The following PSIP1 variants were observed in gnomAD, a reference collection of about 807,000 sequenced individuals.
The protein encoded by PSIP1 is PC4 and SRSF1 interacting protein 1, also known as PC4 and SFRS1-interacting protein.
A neutral mutation model predicts 74.7 loss-of-function variants in PSIP1; 19 were observed. The observed-to-expected ratio is 0.25, with a 90% CI of 0.18 to 0.37. The LOEUF (loss-of-function observed/expected upper bound fraction) is 0.37. Among genes scored for constraint, PSIP1 ranks in the 10% least tolerant of loss-of-function variants. The pLI is 1.00. For synonymous variants in PSIP1, 222 were observed against 195.3 expected, an observed-to-expected ratio of 1.14 and a Z score of -1.14; for missense variants, 601 against 614.3, an observed-to-expected ratio of 0.98 and a Z score of 0.23.
In PSIP1 at chr9:15,465,338, T is replaced by C. The variant is rs1039126754; in HGVS notation, c.*182A>G. On this transcript the variant is annotated 3_prime_UTR_variant, in exon 16 of 16. Transcript: ENST00000380733. ...ATTTACTGTATAATGTAGCTGTTAA[T>C]ACTGCACAAGTACACTTAGCGATAA... 1 of 562,274 alleles carries C rather than the reference T, an allele frequency of 1.8e-6. No individual in the cohort carries two copies. The highest frequency in any genetic ancestry group is 3.1e-5 in the East Asian group (1 of 32,588). The allele number at this position is 562,274 out of a possible 1,614,324, so 34.8% of individuals were successfully genotyped here. A position where few individuals can be genotyped will look rare whatever the true frequency, so the allele number is the denominator to read the frequency against.
chr9:15,465,461 T>C lies in PSIP1; in HGVS notation c.*59A>G, dbSNP rs1445920725. ...AAAATTTAAAACTTTCAGCAGTCTATTTCAAATGAAAACCATTACAAACTT... is the reference window on the plus strand; with the variant it reads ...AAAATTTAAAACTTTCAGCAGTCTACTTCAAATGAAAACCATTACAAACTT... On this transcript the variant is annotated 3_prime_UTR_variant, in exon 16 of 16. Transcript: ENST00000380733. 7 of 1,412,436 alleles carry C rather than the reference T, an allele frequency of 5.0e-6. No homozygotes were observed. The highest frequency in any genetic ancestry group is 5.9e-6 in the Non-Finnish European group (6 of 1,022,518). The allele number at this position is 1,412,436 out of a possible 1,614,324, so 87.5% of individuals were successfully genotyped here.
At chr9:15,469,449 T>A (rs974073939) in intron 11 of PSIP1, 113 bp from the exon 12 acceptor site, 64 of 624,552 alleles carry the variant, frequency 1.0e-4, no homozygotes, top group South Asian at 7.8e-4. Context: ...TTCTTAGTAA[T>A]CTTTACTAAG....
At chr9:15,471,002 G>A in intron 10 of PSIP1, 2 of 1,364,506 alleles carry the variant, frequency 1.5e-6, no homozygotes, top group Non-Finnish European at 1.9e-6. Flanking sequence ...TACCTTACAG[G>A]AAATTTGTTA....
chr9:15,496,280 AG>A (rs2037071088), intron 3 of PSIP1, among the ~76,000 whole-genome samples: 1 of 152,236 alleles, frequency 6.6e-6, no homozygotes, highest in South Asian at 2.1e-4. Flanking sequence ...TTGTGCCTAC[AG>A]GAACTATGTA....
chr9:15,465,592 G>A lies in PSIP1; in HGVS notation c.1533-12C>T. On this transcript the variant is annotated splice_polypyrimidine_tract_variant and intron_variant, in intron 15 of 15. Coordinates refer to ENST00000380733, the MANE Select transcript of PSIP1 (RefSeq NM_033222.5). ...CTTCACTGGATGGCCTGAAGAAAAG[G>A]GGGAAAGGTACAACTGGAATTAGGA... 1 of 1,561,732 alleles carries A rather than the reference G, an allele frequency of 6.4e-7. No homozygotes were observed. Among genetic ancestry groups the A allele is most frequent in the Non-Finnish European group, 8.8e-7 (1 of 1,139,950 alleles).
At position 15,466,757 on chromosome 9, in the gene PSIP1, G is replaced by A. The variant is rs752789885; in HGVS notation, c.1523C>T (p.Thr508Met). ...AAAACCTATTCCTCACTTTTTCTTC[G>A]TGCTGGCTTCATGGTTGTCTTTGCT... ...EDSKDNHEAS[T>M]KKKPSSEERE... Residue 508 changes from threonine (T) to methionine (M), a missense_variant, in exon 15 of 16, where the codon ACG becomes ATG. Around this residue, in one of 2 missense-constraint regions of PSIP1, gnomAD observed 538 missense variants for 507.6 expected, o/e 1.06. Transcript: ENST00000380733. The A allele has an allele frequency of 1.6e-5, 26 of 1,606,662 alleles. No homozygotes were observed. Among genetic ancestry groups the A allele is most frequent in the East Asian group, 9.0e-5 (4 of 44,678 alleles).
At chr9:15,466,662 T>TATA (rs2035645878) in intron 15 of PSIP1, 86 bp downstream of exon 15, 1 of 1,024,722 alleles carries the variant, frequency 9.8e-7, no homozygotes, top group Non-Finnish European at 1.4e-6. Flanking sequence ...AACTGCTTAT[T>TATA]ATAGTAAGAT....
rs1479511297 is a variant in PSIP1 at position 15,474,053 on chromosome 9, T to G, written c.814A>C (p.Thr272Pro). The G allele has an allele frequency of 6.2e-7, 1 of 1,613,734 alleles. No individual in the cohort carries two copies. The highest frequency in any genetic ancestry group is 8.5e-7 in the Non-Finnish European group (1 of 1,179,894). Residue 272 changes from threonine to proline, a missense_variant, in exon 9 of 16, where the codon ACC (threonine) becomes CCC (proline). Around this residue, in one of 2 missense-constraint regions of PSIP1, gnomAD observed 538 missense variants for 507.6 expected, o/e 1.06. Coordinates refer to ENST00000380733, the MANE Select transcript of PSIP1 (RefSeq NM_033222.5). ...KNLAKTGVTS[T>P]SDSEEEGDDQ... ...TCTCCTTCTTCTTCAGAATCGGAGG[T>G]TGAAGTAACCCCTGTTTTAGCTAAA...
intron 3 of PSIP1, among the ~76,000 whole-genome samples, chr9:15,497,635 A>G (rs892141310): frequency 1.3e-5 from 2 of 152,054 alleles, no homozygotes; most frequent in African/African-American, 4.8e-5. Context: ...GATTCCATTT[A>G]TATGAAGTGC....
chr9:15,503,232 T>C (rs1000917890), intron 3 of PSIP1, among the ~76,000 whole-genome samples: 3 of 151,520 alleles, frequency 2.0e-5, no homozygotes, highest in Non-Finnish European at 4.4e-5. Context: ...ATGGGTGTGG[T>C]GGCGGGTGCC....
chr9:15,510,102 C>T lies in PSIP1; in HGVS notation c.72+15G>A, dbSNP rs746284222. The T allele has an allele frequency of 3.1e-6, 5 of 1,600,232 alleles. No individual in the cohort carries two copies. The highest frequency in any genetic ancestry group is 4.3e-6 in the Non-Finnish European group (5 of 1,173,212). ...AGGGTAGCACTGCTAAGCGCGAGGG[C>T]TACAAATCACTTACTCGAGCTGGCC... On this transcript the variant is annotated intron_variant, in intron 2 of 15. Coordinates refer to ENST00000380733, the MANE Select transcript of PSIP1 (RefSeq NM_033222.5).
chr9:15,489,621 A>G (rs1387655281), intron 4 of PSIP1, among the ~76,000 whole-genome samples: 1 of 151,234 alleles, frequency 6.6e-6, no homozygotes, highest in Non-Finnish European at 1.5e-5. Flanking sequence ...AAAAAAAAAA[A>G]AAAAAAAGAA....
chr9:15,473,525 CA>C (rs1291363053), intron 9 of PSIP1, among the ~76,000 whole-genome samples: 1 of 152,134 alleles, frequency 6.6e-6, no homozygotes, highest in Non-Finnish European at 1.5e-5. Context: ...CAAGTCTATT[CA>C]AAAAGGTAAA....
chr9:15,480,293 C>T (rs973823771), intron 6 of PSIP1, among the ~76,000 whole-genome samples: 2 of 152,172 alleles, frequency 1.3e-5, no homozygotes, highest in African/African-American at 4.8e-5. Context: ...GCAGTTGGTA[C>T]TGATCATAAC....
chr9:15,493,613 G>C (rs899647369), intron 3 of PSIP1, among the ~76,000 whole-genome samples: 8 of 152,190 alleles, frequency 5.3e-5, no homozygotes, highest in Non-Finnish European at 8.8e-5. Flanking sequence ...ATAAAGAAAA[G>C]AGGTTTAATT....
intron 3 of PSIP1, among the ~76,000 whole-genome samples, chr9:15,499,103 A>T (rs1258920673): frequency 6.6e-6 from 1 of 152,236 alleles, no homozygotes; most frequent in East Asian, 1.9e-4. Flanking sequence ...GAAAATTGAA[A>T]TTCAAAAAGA....
At chr9:15,491,373 C>T (rs142556666) in intron 3 of PSIP1, among the ~76,000 whole-genome samples, 7 of 152,328 alleles carry the variant, frequency 4.6e-5, no homozygotes, top group Non-Finnish European at 8.8e-5. Flanking sequence ...TTCCCTTGTA[C>T]AACCTCAGCT....
chr9:15,498,587 A>T (rs1287704949), intron 3 of PSIP1, among the ~76,000 whole-genome samples: 2 of 152,156 alleles, frequency 1.3e-5, no homozygotes, highest in African/African-American at 4.8e-5. Flanking sequence ...GGACATCACT[A>T]TACTACTTCC....
chr9:15,489,931 T>C (rs2036747263), intron 4 of PSIP1, 55 bp downstream of exon 4: 6 of 1,362,420 alleles, frequency 4.4e-6, no homozygotes, highest in South Asian at 3.1e-5. Flanking sequence ...GCTAGGATAG[T>C]GATTATTCCC....
Sources: gnomAD v4.1 joint callset for allele counts (sites outside exome capture counted in the v4.1 genomes callset) on GRCh38, gnomAD v4.1.1 for gene constraint, gnomAD v4.1.1 regional missense constraint, MANE v1.5 for transcripts, NCBI Gene and HGNC (gene_info 2026-07-23, HGNC 2026-07-21) for gene names.